The following TTBK2 variants were observed in gnomAD, a reference collection of about 807,000 sequenced individuals.
TTBK2 encodes the protein tau-tubulin kinase 2.
Under a neutral mutation model 110.8 loss-of-function variants are expected in TTBK2, and 28 were observed. That is an observed-to-expected ratio of 0.25 (90% CI 0.19 to 0.35). TTBK2 has a LOEUF of 0.35. Among genes scored for constraint, TTBK2 ranks in the 10% least tolerant of loss-of-function variants. TTBK2 has a pLI of 1.00. For missense variants in TTBK2, 1,369 were observed against 1,500.3 expected, an observed-to-expected ratio of 0.91 and a Z score of 1.45; for synonymous variants, 532 against 527.3, an observed-to-expected ratio of 1.01 and a Z score of -0.12.
chr15:42,911,840 AATG>A (rs1228409253), intron 1 of TTBK2, among the ~76,000 whole-genome samples: 2 of 152,196 alleles, frequency 1.3e-5, no homozygotes, highest in Non-Finnish European at 2.9e-5. Flanking sequence ...TGGGAAAATA[AATG>A]ATAAGATTAA....
chr15:42,745,849 G>A lies in TTBK2; in HGVS notation c.3681C>T (p.Ala1227=), dbSNP rs778095416. Residue 1227 remains alanine, a synonymous_variant, in exon 15 of 15, where the codon GCC becomes GCT. Coordinates refer to ENST00000267890, the MANE Select transcript of TTBK2 (RefSeq NM_173500.4). Reference sequence around the variant, plus strand: ...TCTTCCCTTGGGGGGTTTTAGTGCTGGCTGAGTGGTGGTGGAGGCTGCCGG... The same window carrying A: ...TCTTCCCTTGGGGGGTTTTAGTGCTAGCTGAGTGGTGGTGGAGGCTGCCGG... The part of the protein sequence containing the change: ...KGSGSLHHHS[A]STKTPQGKSK... 9.9e-6 allele frequency: 16 copies of A among 1,614,028 alleles called. No homozygotes were observed. Among genetic ancestry groups the A allele is most frequent in the Non-Finnish European group, 1.1e-5 (13 of 1,180,032 alleles).
In TTBK2 at chr15:42,869,412, A is replaced by G. The variant is rs556739940; in HGVS notation, c.217+3199T>C. Among the ~76,000 whole-genome samples, 4 of 151,946 alleles carry G rather than the reference A, an allele frequency of 2.6e-5. No homozygotes were observed. In the East Asian group the frequency reaches 7.7e-4, roughly 29 times the overall value. On this transcript the variant is annotated intron_variant, in intron 3 of 14. Coordinates refer to ENST00000267890, the MANE Select transcript of TTBK2 (RefSeq NM_173500.4). Reference sequence around the variant, plus strand: ...CCTAAACTATACTTATTAAAAAGAAAAAAAAAAAAACCTGGTGTGTTGAGA... The same window carrying G: ...CCTAAACTATACTTATTAAAAAGAAGAAAAAAAAAACCTGGTGTGTTGAGA...
At position 42,746,146 on chromosome 15, in the gene TTBK2, G is replaced by C; in HGVS notation, c.3384C>G (p.Cys1128Trp). Residue 1128 changes from cysteine to tryptophan, a missense_variant, in exon 15 of 15, where the codon TGC becomes TGG. By Grantham distance (215) the Cys-to-Trp change is radical. Transcript: ENST00000267890. The part of the protein sequence containing the change: ...GSQKPRSTTQ[C>W]KSPGSPHNPK... ...GATTGTGAGGAGATCCTGGACTCTT[G>C]CACTGAGTAGTGCTCCGGGGTTTCT... The C allele has an allele frequency of 6.2e-7, 1 of 1,614,142 alleles. No homozygotes were observed. The highest frequency in any genetic ancestry group is 8.5e-7 in the Non-Finnish European group (1 of 1,180,024).
intron 6 of TTBK2, among the ~76,000 whole-genome samples, chr15:42,821,115 A>C (rs1423530772): frequency 6.6e-6 from 1 of 152,244 alleles, no homozygotes; most frequent in Admixed American, 6.5e-5. Flanking sequence ...GACAAGTGAA[A>C]AAAAGAAAGG....
chr15:42,830,140 G>A (rs1447972329), intron 4 of TTBK2, 62 bp from the exon 5 acceptor site: 3 of 1,593,140 alleles, frequency 1.9e-6, no homozygotes, highest in Non-Finnish European at 2.6e-6. Flanking sequence ...AGAGAAGACT[G>A]GGAAACTACT....
chr15:42,817,669 G>A (rs992363776), intron 6 of TTBK2, among the ~76,000 whole-genome samples: 2 of 152,178 alleles, frequency 1.3e-5, no homozygotes, highest in Non-Finnish European at 2.9e-5. Context: ...AAAAATACAT[G>A]ATCCTAGTCC....
intron 1 of TTBK2, among the ~76,000 whole-genome samples, chr15:42,913,181 A>C (rs887014114): frequency 1.3e-5 from 2 of 151,824 alleles, no homozygotes; most frequent in African/African-American, 4.8e-5. Context: ...GTTAGTAAAA[A>C]GAAATGAAGA....
chr15:42,810,710 A>G lies in TTBK2; in HGVS notation c.726T>C (p.Tyr242=), dbSNP rs1325845477. The G allele has an allele frequency of 3.1e-6, 5 of 1,613,850 alleles. No individual in the cohort carries two copies. The highest frequency in any genetic ancestry group is 2.2e-5 in the East Asian group (1 of 44,856). ...KEQVGSIKER[Y]DHRLMLKHLP... ...GATGTTTCAACATGAGCCTGTGGTC[A>G]TATCTCTCCTTAATAGAGCCTACTT... The change falls in exon 9 of 15, where the codon TAT becomes TAC. Residue 242 remains tyrosine, a synonymous_variant. Coordinates refer to ENST00000267890, the MANE Select transcript of TTBK2 (RefSeq NM_173500.4).
chr15:42,747,065 T>C (rs1277209097), intron 14 of TTBK2, among the ~76,000 whole-genome samples: 1 of 151,736 alleles, frequency 6.6e-6, no homozygotes, highest in Non-Finnish European at 1.5e-5. Flanking sequence ...CCTGGGCTCA[T>C]GCAATCCTCC....
In TTBK2 at chr15:42,770,126, T is replaced by G. The variant is rs117816526; in HGVS notation, c.1998+5009A>C. On this transcript the variant is annotated intron_variant, in intron 13 of 14. Transcript: ENST00000267890. ...GTGGGGTGGGGGGCAGGGGGAGGGA[T>G]AGCAGAAATACCTAATGTAAATGAT... Among the ~76,000 whole-genome samples, 1,250 of 150,250 alleles carry G rather than the reference T, an allele frequency of 8.3e-3. 44 individuals carry two copies. The highest frequency in any genetic ancestry group is 0.057 in the Admixed American group (862 of 15,142).
At chr15:42,814,834 T>C (rs1219299492) in intron 7 of TTBK2, among the ~76,000 whole-genome samples, 1 of 152,042 alleles carries the variant, frequency 6.6e-6, no homozygotes, top group Non-Finnish European at 1.5e-5. Context: ...GAAAAGAGGG[T>C]TAAGAACCAC....
chr15:42,904,242 A>G (rs2141197023), intron 1 of TTBK2, among the ~76,000 whole-genome samples: 1 of 152,370 alleles, frequency 6.6e-6, no homozygotes, highest in South Asian at 2.1e-4. Context: ...GCAGCAATAG[A>G]TAACTATATA....
At position 42,754,956 on chromosome 15, in the gene TTBK2, C is replaced by T. The variant is rs941720212; in HGVS notation, c.1999-1709G>A. 1.3e-3 allele frequency among the ~76,000 whole-genome samples: 168 copies of T among 134,208 alleles called. 1 individual carries two copies. The highest frequency in any genetic ancestry group is 4.6e-4 in the East Asian group (2 of 4,318). The allele number at this position is 134,208 out of a possible 152,430, so 88.0% of individuals were successfully genotyped here. ...CCGAGAGGCAGAGGTTGTGGTGAGC[C>T]GAGATTGTGCCATTGTACTCCAGCC... On this transcript the variant is annotated intron_variant, in intron 13 of 14. Transcript: ENST00000267890.
intron 3 of TTBK2, among the ~76,000 whole-genome samples, chr15:42,866,310 G>A (rs1302136834): frequency 2.0e-5 from 3 of 151,806 alleles, no homozygotes; most frequent in Non-Finnish European, 4.4e-5. Flanking sequence ...TAAAAGAAGA[G>A]TATTACATAA....
chr15:42,920,051 C>T (rs1272786500), intron 1 of TTBK2, among the ~76,000 whole-genome samples: 2 of 152,094 alleles, frequency 1.3e-5, no homozygotes, highest in Admixed American at 6.5e-5. Flanking sequence ...GTTGGGGAGG[C>T]GGGGTGGGAA....
In TTBK2 at chr15:42,743,874, A is replaced by AG. The variant is rs1371204482; in HGVS notation, c.*1920_*1921insC. ...CAGAAAATGAAGATAGGCAAGGCCC[A>AG]AGTGTACATGAGGCACACAATAGAA... On this transcript the variant is annotated 3_prime_UTR_variant, in exon 15 of 15. Transcript: ENST00000267890. 1 of 152,224 alleles carries AG rather than the reference A, an allele frequency of 6.6e-6. No homozygotes were observed. Among genetic ancestry groups the AG allele is most frequent in the Non-Finnish European group, 1.5e-5 (1 of 68,034 alleles). 9.4% of individuals were successfully genotyped at this position (152,224 alleles called of 1,614,324 possible).
chr15:42,834,136 G>A (rs565604016), intron 4 of TTBK2, among the ~76,000 whole-genome samples: 7 of 140,978 alleles, frequency 5.0e-5, no homozygotes, highest in East Asian at 4.7e-4. Context: ...AGGCGGAAGC[G>A]AGCTGTGATC....
In TTBK2 at chr15:42,777,132, A is replaced by C. The variant is rs749624771; in HGVS notation, c.1308T>G (p.Asp436Glu). Residue 436 changes from aspartate to glutamate, a missense_variant, in exon 12 of 15, where the codon GAT becomes GAG. Asp to Glu is a conservative substitution (Grantham distance 45). This residue lies in a region of TTBK2 where 1,097 missense variants were observed against 1,114.7 expected (regional missense o/e 0.98). Coordinates refer to ENST00000267890, the MANE Select transcript of TTBK2 (RefSeq NM_173500.4). ...AACGTAACTTTCGCACCAGTGGAAT[A>C]TCTCTGTCTGGCTGAGTAATCTCTG... is the stretch of plus-strand genomic sequence containing the variant. ...VRSEITQPDR[D>E]IPLVRKLRSI... 1 of 1,614,222 alleles carries C rather than the reference A, an allele frequency of 6.2e-7. No homozygotes were observed.
chr15:42,867,682 C>T (rs1170718517), intron 3 of TTBK2, among the ~76,000 whole-genome samples: 1 of 152,152 alleles, frequency 6.6e-6, no homozygotes, highest in African/African-American at 2.4e-5. Context: ...CTGACAATAC[C>T]AAATGCTGGT....
Sources: allele counts gnomAD v4.1 joint callset (sites outside exome capture counted in the v4.1 genomes callset), GRCh38; gene constraint gnomAD v4.1.1; regional missense constraint gnomAD v4.1.1; transcripts MANE v1.5; gene names NCBI Gene and HGNC (gene_info 2026-07-23, HGNC 2026-07-21).